The following THSD7B variants were observed in gnomAD, a reference collection of about 807,000 sequenced individuals.
The protein encoded by THSD7B is thrombospondin type 1 domain containing 7B.
A neutral mutation model predicts 213.6 loss-of-function variants in THSD7B; 138 were observed. The ratio of observed to expected loss-of-function variants is 0.65; its 90% CI spans 0.56 to 0.74. The LOEUF (loss-of-function observed/expected upper bound fraction) is 0.74. Among genes scored for constraint, THSD7B ranks in the 30% least tolerant of loss-of-function variants. The probability of loss-of-function intolerance (pLI) is 0.00; values close to 1 mark genes in which losing one functional copy is unlikely to be tolerated. For synonymous variants in THSD7B, 742 were observed against 687.0 expected, an observed-to-expected ratio of 1.08 and a Z score of -1.25; for missense variants, 1,931 against 1,991.5, an observed-to-expected ratio of 0.97 and a Z score of 0.58.
intron 1 of THSD7B, among the ~76,000 whole-genome samples, chr2:136,816,272 G>A (rs578195058): frequency 1.2e-4 from 19 of 152,264 alleles, no homozygotes; most frequent in South Asian, 8.3e-4. Flanking sequence ...CAGCTATTAC[G>A]TAAAGGAGTC....
intron 2 of THSD7B, among the ~76,000 whole-genome samples, chr2:137,049,778 C>G (rs1351344324): frequency 6.6e-6 from 1 of 152,086 alleles, no homozygotes; most frequent in South Asian, 2.1e-4. Flanking sequence ...GTCACAGAGG[C>G]CAAAGACCAG....
At chr2:136,843,941 C>G (rs964360677) in intron 1 of THSD7B, among the ~76,000 whole-genome samples, 1 of 152,110 alleles carries the variant, frequency 6.6e-6, no homozygotes, top group Middle Eastern at 3.2e-3. Context: ...TTCACTGTAC[C>G]CAGCTCTGGG....
chr2:137,508,269 A>G (rs926926827), intron 15 of THSD7B, among the ~76,000 whole-genome samples: 1 of 152,084 alleles, frequency 6.6e-6, no homozygotes, highest in South Asian at 2.1e-4. Context: ...TTTTATAAAC[A>G]GGGCTCTGTT....
At chr2:137,220,184 A>G (rs1681337453) in intron 7 of THSD7B, among the ~76,000 whole-genome samples, 2 of 152,176 alleles carry the variant, frequency 1.3e-5, no homozygotes, top group Admixed American at 1.3e-4. Context: ...GGAAAAAGTT[A>G]ATAAGATGAC....
At chr2:137,199,239 C>T (rs1680829782) in intron 7 of THSD7B, among the ~76,000 whole-genome samples, 2 of 152,092 alleles carry the variant, frequency 1.3e-5, no homozygotes, top group Non-Finnish European at 2.9e-5. Context: ...TTTCATTTTT[C>T]TTTCTTTTCT....
At chr2:136,771,890 C>A (rs1681512984) in intron 1 of THSD7B, among the ~76,000 whole-genome samples, 1 of 152,004 alleles carries the variant, frequency 6.6e-6, no homozygotes, top group Non-Finnish European at 1.5e-5. Flanking sequence ...GTAAGGCTTA[C>A]CAATATCCAG....
At chr2:137,522,528 C>T (rs1226497191) in intron 15 of THSD7B, among the ~76,000 whole-genome samples, 2 of 145,828 alleles carry the variant, frequency 1.4e-5, no homozygotes, top group East Asian at 4.0e-4. Flanking sequence ...TTCAGAGTCA[C>T]TTTTTTTTTT....
At chr2:137,565,260 C>A (rs557879581) in intron 16 of THSD7B, among the ~76,000 whole-genome samples, 10 of 152,226 alleles carry the variant, frequency 6.6e-5, no homozygotes, top group African/African-American at 2.2e-4. Context: ...TTTGCTATGA[C>A]AGAATACCCA....
At chr2:136,981,675 C>T (rs1340831051) in intron 2 of THSD7B, among the ~76,000 whole-genome samples, 1 of 152,204 alleles carries the variant, frequency 6.6e-6, no homozygotes, top group Non-Finnish European at 1.5e-5. Flanking sequence ...TGGGTGCCCT[C>T]TGTTTATTCC....
chr2:137,523,364 A>G (rs1680222182), intron 15 of THSD7B, among the ~76,000 whole-genome samples: 1 of 152,162 alleles, frequency 6.6e-6, no homozygotes, highest in Admixed American at 6.6e-5. Flanking sequence ...GCAATCATGC[A>G]TTTGTTTTAG....
chr2:136,913,522 G>A (rs1027120568), intron 2 of THSD7B, among the ~76,000 whole-genome samples: 16 of 152,194 alleles, frequency 1.1e-4, no homozygotes. Context: ...CCCTCCCATT[G>A]CAGGCCTGGA....
rs1683568084 is a variant in THSD7B at position 136,878,786 on chromosome 2, G to GT, written c.-35-3355dup. Among the ~76,000 whole-genome samples the GT allele has an allele frequency of 1.3e-5, 2 of 152,046 alleles. 1 individual carries two copies. The highest frequency in any genetic ancestry group is 4.2e-4 in the South Asian group (2 of 4,810). On this transcript the variant is annotated intron_variant, in intron 1 of 27. Coordinates refer to ENST00000409968, the MANE Select transcript of THSD7B (RefSeq NM_001316349.2). ...TTGTTTGTTTTTTTCTTGTAAATTT[G>GT]TTTGAGTTCTTTGTAGATTCTGGAT...
intron 10 of THSD7B, among the ~76,000 whole-genome samples, chr2:137,267,065 C>A (rs1189230500): frequency 1.3e-5 from 2 of 152,142 alleles, no homozygotes; most frequent in Non-Finnish European, 2.9e-5. Context: ...TAGTGTAGAC[C>A]TTCACAAAGA....
At chr2:137,265,097 G>A (rs1239615818) in intron 10 of THSD7B, among the ~76,000 whole-genome samples, 2 of 151,922 alleles carry the variant, frequency 1.3e-5, no homozygotes, top group Admixed American at 6.6e-5. Context: ...TTGTTCTTGC[G>A]ATAGTTTACT....
In THSD7B at chr2:137,038,079, C is replaced by T. The variant is rs538910545; in HGVS notation, c.140-18341C>T. ...TTTTAACATAGGATAGAACTCTAATCCATAGTTTTTCCTTATTATGCATTT... is the reference window on the plus strand; with the variant it reads ...TTTTAACATAGGATAGAACTCTAATTCATAGTTTTTCCTTATTATGCATTT... On this transcript the variant is annotated intron_variant, in intron 2 of 27. Coordinates refer to ENST00000409968, the MANE Select transcript of THSD7B (RefSeq NM_001316349.2). Among the ~76,000 whole-genome samples, 276 of 152,220 alleles carry T rather than the reference C, an allele frequency of 1.8e-3. 1 individual carries two copies. The highest frequency in any genetic ancestry group is 4.6e-3 in the South Asian group (22 of 4,822).
Position 137,038,318 on chromosome 2 carries a change from G to A in THSD7B, c.140-18102G>A, listed in dbSNP as rs549242312. Among the ~76,000 whole-genome samples, 5 of 152,248 alleles carry A rather than the reference G, an allele frequency of 3.3e-5. No homozygotes were observed. In the East Asian group the frequency reaches 9.6e-4, roughly 29 times the overall value. Reference sequence around the variant, plus strand: ...CATTCAAAATCACCACAGAGAAGGGGTTGAAAGCTAAATGGTCACATTTAA... The same window carrying A: ...CATTCAAAATCACCACAGAGAAGGGATTGAAAGCTAAATGGTCACATTTAA... On this transcript the variant is annotated intron_variant, in intron 2 of 27. Transcript: ENST00000409968.
rs140584086 is a variant in THSD7B at position 137,375,961 on chromosome 2, G to C, written c.2501-29652G>C. On this transcript the variant is annotated intron_variant, in intron 12 of 27. Coordinates refer to ENST00000409968, the MANE Select transcript of THSD7B (RefSeq NM_001316349.2). The stretch of plus-strand genomic sequence containing the variant: ...AAAAAGGAAATCCTTTGTAGAAAAA[G>C]GAAAGTTCCTTAGAAGATGTTTTAA... 6.2e-4 allele frequency among the ~76,000 whole-genome samples: 95 copies of C among 152,240 alleles called. 1 individual carries two copies. In the East Asian group the frequency reaches 0.016, roughly 25 times the overall value.
At chr2:137,493,271 G>T (rs1056635483) in intron 15 of THSD7B, among the ~76,000 whole-genome samples, 1 of 151,914 alleles carries the variant, frequency 6.6e-6, no homozygotes, top group Admixed American at 6.6e-5. Context: ...GTTAGATACT[G>T]CATTTACTGA....
At chr2:137,046,515 A>G (rs1359643375) in intron 2 of THSD7B, among the ~76,000 whole-genome samples, 1 of 152,088 alleles carries the variant, frequency 6.6e-6, no homozygotes, top group African/African-American at 2.4e-5. Context: ...AGATCGCCTG[A>G]GGTCGGGAGT....
Sources: gnomAD v4.1 joint callset for allele counts (sites outside exome capture counted in the v4.1 genomes callset) on GRCh38, gnomAD v4.1.1 for gene constraint, MANE v1.5 for transcripts, NCBI Gene and HGNC (gene_info 2026-07-23, HGNC 2026-07-21) for gene names.